Variants in STARD13 observed in about 807,000 individuals in gnomAD.
The protein encoded by STARD13 is StAR related lipid transfer domain containing 13, also known as stAR-related lipid transfer protein 13.
A neutral mutation model predicts 106.4 loss-of-function variants in STARD13; 62 were observed. The observed-to-expected ratio is 0.58, with a 90% CI of 0.48 to 0.72. The LOEUF (loss-of-function observed/expected upper bound fraction) is 0.72. Among genes scored for constraint, STARD13 ranks in the 30% least tolerant of loss-of-function variants. STARD13 has a pLI of 0.00. For missense variants in STARD13, 1,387 were observed against 1,424.0 expected (o/e 0.97, Z 0.42); for synonymous variants, 565 against 553.0 (o/e 1.02, Z -0.31).
chr13:33,241,046 A>G (rs1356890646), intron 1 of STARD13, among the ~76,000 whole-genome samples: 1 of 152,148 alleles, frequency 6.6e-6, no homozygotes, highest in Admixed American at 6.5e-5. Context: ...CCCAAGTTGG[A>G]TATCTTGTGT....
At position 33,103,387 on chromosome 13, in the gene STARD13, ATGC is replaced by A. The variant is rs1873319338; in HGVS notation, c.*2203_*2205del. 6.6e-6 allele frequency: 1 copy of A among 152,656 alleles called. No homozygotes were observed. Among genetic ancestry groups the A allele is most frequent in the Non-Finnish European group, 1.5e-5 (1 of 68,036 alleles). The allele number at this position is 152,656 out of a possible 1,614,324, so 9.5% of individuals were successfully genotyped here. A position where few individuals can be genotyped will look rare whatever the true frequency, so the allele number is the denominator to read the frequency against. On this transcript the variant is annotated 3_prime_UTR_variant, in exon 14 of 14. Transcript: ENST00000336934. ...TTTCCCTTTTCCTTGTTTTAAAAAGATGCACTGTGTTGTTATGCAGCGGTGATA... is the reference window on the plus strand; with the variant it reads ...TTTCCCTTTTCCTTGTTTTAAAAAGAACTGTGTTGTTATGCAGCGGTGATA...
the STARD13 span, among the ~76,000 whole-genome samples, chr13:33,519,455 G>A: frequency 1.3e-5 from 2 of 151,258 alleles, no homozygotes; most frequent in South Asian, 4.2e-4. Flanking sequence ...CTCCCAAAGT[G>A]CTGAGATTAC....
chr13:33,110,734 T>A lies in STARD13; in HGVS notation c.2781A>T (p.Gly927=), dbSNP rs746409956. ...LQKEAKEKFK[G]WVTCSSTDNT... ...TGTCCGTGCTGGAGCACGTGACCCA[T>A]CCTTTGAACTTCTCCTTGGCTTCTT... Residue 927 remains glycine (G), a synonymous_variant, in exon 11 of 14, where the codon GGA becomes GGT. Coordinates refer to ENST00000336934, the MANE Select transcript of STARD13 (RefSeq NM_178006.4). 3.7e-6 allele frequency: 6 copies of A among 1,614,110 alleles called. No homozygotes were observed. The highest frequency in any genetic ancestry group is 5.1e-6 in the Non-Finnish European group (6 of 1,180,044).
the STARD13 span, among the ~76,000 whole-genome samples, chr13:33,514,074 T>C: frequency 6.6e-6 from 1 of 152,162 alleles, no homozygotes; most frequent in Non-Finnish European, 1.5e-5. Context: ...TTGATATTTA[T>C]GGAAAATACC....
the STARD13 span, among the ~76,000 whole-genome samples, chr13:33,640,480 T>C: frequency 6.6e-6 from 1 of 152,196 alleles, no homozygotes; most frequent in African/African-American, 2.4e-5. Context: ...TGGAGTTCCA[T>C]TCAGTGAGTG....
chr13:33,632,198 A>G, the STARD13 span, among the ~76,000 whole-genome samples: 6 of 152,210 alleles, frequency 3.9e-5, no homozygotes, highest in Non-Finnish European at 7.4e-5. Flanking sequence ...AATTGAGGAT[A>G]GGCTAAGACA....
the STARD13 span, among the ~76,000 whole-genome samples, chr13:33,551,070 C>T: frequency 6.6e-6 from 1 of 152,158 alleles, no homozygotes; most frequent in East Asian, 1.9e-4. Context: ...ACCTTTATAC[C>T]ACAGAGAAGA....
At chr13:33,233,267 A>C (rs938163008) in intron 1 of STARD13, among the ~76,000 whole-genome samples, 3 of 152,148 alleles carry the variant, frequency 2.0e-5, no homozygotes, top group African/African-American at 7.2e-5. Context: ...TCTATTTTAC[A>C]TATACCTACC....
At chr13:33,237,007 T>A (rs1889222756) in intron 1 of STARD13, among the ~76,000 whole-genome samples, 1 of 152,278 alleles carries the variant, frequency 6.6e-6, no homozygotes, top group Non-Finnish European at 1.5e-5. Flanking sequence ...ACTTTTGGTT[T>A]TCACTGCTCA....
At chr13:33,299,703 G>T (rs1892638560) in intron 1 of STARD13, among the ~76,000 whole-genome samples, 1 of 152,176 alleles carries the variant, frequency 6.6e-6, no homozygotes, top group Non-Finnish European at 1.5e-5. Flanking sequence ...CGTGTTCTAA[G>T]GAGGTAGGTG....
intron 1 of STARD13, among the ~76,000 whole-genome samples, chr13:33,224,852 T>C (rs1888539684): frequency 6.6e-6 from 1 of 152,196 alleles, no homozygotes; most frequent in Non-Finnish European, 1.5e-5. Flanking sequence ...CATTTTCCTC[T>C]CGTAACTATG....
chr13:33,162,977 G>A (rs1294007107), intron 3 of STARD13, among the ~76,000 whole-genome samples: 3 of 152,086 alleles, frequency 2.0e-5, no homozygotes, highest in Non-Finnish European at 4.4e-5. Context: ...ACATACCCAA[G>A]ACTGGGAAGA....
At chr13:33,416,335 C>G in the STARD13 span, among the ~76,000 whole-genome samples, 1 of 152,052 alleles carries the variant, frequency 6.6e-6, no homozygotes, top group South Asian at 2.1e-4. Flanking sequence ...ACAGTAGATT[C>G]CATTTGAGCT....
intron 3 of STARD13, among the ~76,000 whole-genome samples, chr13:33,152,416 C>CA (rs34146261): frequency 0.24 from 33,687 of 138,000 alleles, 3,926 homozygotes; most frequent in Middle Eastern, 0.36. Context: ...TTCAGTCATA[C>CA]AAAAAAAAAA....
the STARD13 span, among the ~76,000 whole-genome samples, chr13:33,556,887 G>C: frequency 6.6e-6 from 1 of 152,076 alleles, no homozygotes; most frequent in Non-Finnish European, 1.5e-5. Flanking sequence ...CCAAGTAGCT[G>C]GGACCACAAG....
chr13:33,474,799 A>G, the STARD13 span, among the ~76,000 whole-genome samples: 7 of 152,292 alleles, frequency 4.6e-5, no homozygotes, highest in Non-Finnish European at 7.4e-5. Flanking sequence ...AATAAGACTC[A>G]TTTACTTTTG....
In STARD13 at chr13:33,172,659, A is replaced by T. The variant is rs1007728354; in HGVS notation, c.170-5037T>A. ...TCTTGGCTAAGCATTTTAAGTATGT[A>T]CATTTTGTTTTACGTTTTTCTCAGC... is the stretch of plus-strand genomic sequence containing the variant. On this transcript the variant is annotated intron_variant, in intron 1 of 13. Coordinates refer to ENST00000336934, the MANE Select transcript of STARD13 (RefSeq NM_178006.4). Among the ~76,000 whole-genome samples the T allele has an allele frequency of 5.3e-5, 8 of 152,318 alleles. No homozygotes were observed. In the East Asian group the frequency reaches 1.5e-3, roughly 29 times the overall value.
At chr13:33,228,328 A>T (rs1242798201) in intron 1 of STARD13, among the ~76,000 whole-genome samples, 3 of 152,354 alleles carry the variant, frequency 2.0e-5, no homozygotes, top group Middle Eastern at 3.4e-3. Context: ...TTTTGAGAAG[A>T]AACATTCATA....
the STARD13 span, among the ~76,000 whole-genome samples, chr13:33,438,924 T>C: frequency 6.6e-6 from 1 of 152,194 alleles, no homozygotes; most frequent in Non-Finnish European, 1.5e-5. Flanking sequence ...ACTTCAAAAT[T>C]GGGCTTTAAA....
Sources: allele counts gnomAD v4.1 joint callset (sites outside exome capture counted in the v4.1 genomes callset), GRCh38; gene constraint gnomAD v4.1.1; transcripts MANE v1.5; gene names NCBI Gene and HGNC (gene_info 2026-07-23, HGNC 2026-07-21).